Variants in RALGPS2 observed in about 807,000 individuals in gnomAD.
RALGPS2 encodes ras-specific guanine nucleotide-releasing factor RalGPS2.
RALGPS2 carries 43 observed loss-of-function variants against 86.8 expected under a neutral mutation model. That is an observed-to-expected ratio of 0.50 (90% CI 0.39 to 0.64). The LOEUF is 0.64. Among genes scored for constraint, RALGPS2 ranks in the 30% least tolerant of loss-of-function variants. The pLI is 0.00. For synonymous variants in RALGPS2, 243 were observed against 231.3 expected, an observed-to-expected ratio of 1.05 and a Z score of -0.46; for missense variants, 536 against 694.6, an observed-to-expected ratio of 0.77 and a Z score of 2.57.
At chr1:178,746,985 T>A in intron 1 of RALGPS2, 1 of 957,408 alleles carries the variant, frequency 1.0e-6, no homozygotes, top group Non-Finnish European at 1.7e-6. Flanking sequence ...CTTTCCATCG[T>A]TTCTGTATAC....
At chr1:178,838,371 T>G (rs1207685559) in intron 8 of RALGPS2, among the ~76,000 whole-genome samples, 1 of 152,160 alleles carries the variant, frequency 6.6e-6, no homozygotes, top group East Asian at 1.9e-4. Flanking sequence ...TTCAGCAATA[T>G]TCACTGTTCT....
chr1:178,888,032 T>A (rs1019174560), intron 13 of RALGPS2, among the ~76,000 whole-genome samples: 3 of 152,200 alleles, frequency 2.0e-5, no homozygotes, highest in African/African-American at 7.2e-5. Context: ...TAGCTTTTAC[T>A]TTTCATGGAT....
In RALGPS2 at chr1:178,832,703, T is replaced by A. The variant is rs74129709; in HGVS notation, c.481-721T>A. Among the ~76,000 whole-genome samples, 598 of 151,696 alleles carry A rather than the reference T, an allele frequency of 3.9e-3. 3 individuals are homozygous for A. Among genetic ancestry groups the A allele is most frequent in the African/African-American group, 0.013 (546 of 41,414 alleles). On this transcript the variant is annotated intron_variant, in intron 7 of 19. Coordinates refer to ENST00000367635, the MANE Select transcript of RALGPS2 (RefSeq NM_152663.5). ...CTTCATGTCTAAATAAAAAAAAAAATTTTCCAGTCTTTGGAATGATTTGAA... is the reference window on the plus strand; with the variant it reads ...CTTCATGTCTAAATAAAAAAAAAAAATTTCCAGTCTTTGGAATGATTTGAA...
intron 8 of RALGPS2, chr1:178,853,486 A>T: frequency 1.0e-6 from 1 of 959,020 alleles, no homozygotes; most frequent in Non-Finnish European, 1.5e-6. Context: ...AAACATATGG[A>T]TAGTTATTTT....
intron 1 of RALGPS2, among the ~76,000 whole-genome samples, chr1:178,739,804 G>A (rs891190611): frequency 6.6e-6 from 1 of 152,180 alleles, no homozygotes; most frequent in Non-Finnish European, 1.5e-5. Flanking sequence ...AAGGGAACAG[G>A]CAGTACTAAT....
Position 178,902,101 on chromosome 1 carries a change from C to G in RALGPS2, c.1525-5C>G, listed in dbSNP as rs191990329. ...GTTTCCGCTAATTATCTTTTTTTCT[C>G]TCAGTTCAAATCAACATCCAATAAG... On this transcript the variant is annotated splice_region_variant and splice_polypyrimidine_tract_variant and intron_variant, in intron 17 of 19. Transcript: ENST00000367635. 992 of 1,604,662 alleles carry G rather than the reference C, an allele frequency of 6.2e-4. 7 individuals carry two copies. Among genetic ancestry groups the G allele is most frequent in the Non-Finnish European group, 2.9e-4 (340 of 1,172,750 alleles).
chr1:178,788,190 T>G (rs1223858914), intron 4 of RALGPS2, among the ~76,000 whole-genome samples: 1 of 152,240 alleles, frequency 6.6e-6, no homozygotes, highest in Non-Finnish European at 1.5e-5. Context: ...GGTAAGCTTT[T>G]TTTGTCTTTC....
chr1:178,728,573 CT>C (rs537570255), intron 1 of RALGPS2, among the ~76,000 whole-genome samples: 7 of 151,910 alleles, frequency 4.6e-5, no homozygotes, highest in East Asian at 3.9e-4. Flanking sequence ...AATATGAATA[CT>C]TTTTTTTAAG....
At position 178,906,858 on chromosome 1, in the gene RALGPS2, C is replaced by T. The variant is rs1660406812; in HGVS notation, c.1713C>T (p.Asn571=). 3 of 1,612,786 alleles carry T rather than the reference C, an allele frequency of 1.9e-6. No homozygotes were observed. Among genetic ancestry groups the T allele is most frequent in the East Asian group, 2.2e-5 (1 of 44,754 alleles). Residue 571 remains asparagine, a synonymous_variant, in exon 19 of 20, where the codon AAC becomes AAT. Transcript: ENST00000367635. ...ATTTGAGTGCAGCCTGCCAAAGTAACAAACAACAGGTAAGCATTTCTCCTA... is the reference window on the plus strand; with the variant it reads ...ATTTGAGTGCAGCCTGCCAAAGTAATAAACAACAGGTAAGCATTTCTCCTA... ...FKHLSAACQS[N]KQQVPTNLMT...
chr1:178,728,392 C>T (rs1009503109), intron 1 of RALGPS2, among the ~76,000 whole-genome samples: 1 of 123,890 alleles, frequency 8.1e-6, no homozygotes, highest in African/African-American at 3.0e-5. Context: ...CCATTTTCTC[C>T]GAAAGTATGC....
intron 13 of RALGPS2, 34 bp from the exon 14 acceptor site, chr1:178,889,608 G>A (rs749909906): frequency 1.4e-6 from 2 of 1,433,454 alleles, no homozygotes; most frequent in Admixed American, 3.5e-5. Context: ...AGGTAATTCT[G>A]ATGTTTAAAA....
intron 7 of RALGPS2, among the ~76,000 whole-genome samples, chr1:178,822,992 A>T (rs940953274): frequency 2.6e-5 from 4 of 152,076 alleles, no homozygotes; most frequent in Non-Finnish European, 4.4e-5. Flanking sequence ...CTAATTTTTT[A>T]AAAAGTTTTT....
At position 178,876,751 on chromosome 1, in the gene RALGPS2, A is replaced by C. The variant is rs149517265; in HGVS notation, c.608-747A>C. 1.4e-3 allele frequency among the ~76,000 whole-genome samples: 213 copies of C among 152,294 alleles called. 2 individuals are homozygous for C. The East Asian group carries it at 0.014, about 10-fold the overall frequency. On this transcript the variant is annotated intron_variant, in intron 8 of 19. Transcript: ENST00000367635. ...CACATGTGCATTGTGAACTCTCCAG[A>C]AATAAACTTAAATAAGTGACCTTTC...
intron 1 of RALGPS2, among the ~76,000 whole-genome samples, chr1:178,776,164 G>A (rs1482617908): frequency 6.6e-6 from 1 of 152,094 alleles, no homozygotes. Context: ...AGTAGATCCT[G>A]GAACAAATCC....
In RALGPS2 at chr1:178,919,878, C is replaced by G. The variant is rs1015853303; in HGVS notation, c.*3519C>G. 1.3e-5 allele frequency: 2 copies of G among 152,006 alleles called. No individual in the cohort carries two copies. The highest frequency in any genetic ancestry group is 1.3e-4 in the Admixed American group (2 of 15,258). 9.4% of individuals were successfully genotyped at this position (152,006 alleles called of 1,614,324 possible). The stretch of plus-strand genomic sequence containing the variant: ...GATAATCTTTAATAAAGCAAATCCT[C>G]TGCTTCAAAGGTTTTTGAAATAATT... On this transcript the variant is annotated 3_prime_UTR_variant, in exon 20 of 20. Coordinates refer to ENST00000367635, the MANE Select transcript of RALGPS2 (RefSeq NM_152663.5).
intron 1 of RALGPS2, among the ~76,000 whole-genome samples, chr1:178,756,877 G>A (rs1651981481): frequency 6.6e-6 from 1 of 152,238 alleles, no homozygotes; most frequent in Non-Finnish European, 1.5e-5. Context: ...AATGAGTTTA[G>A]GGAGGAGTCC....
chr1:178,909,673 C>T (rs568020483), intron 19 of RALGPS2, among the ~76,000 whole-genome samples: 97 of 100,770 alleles, frequency 9.6e-4, no homozygotes, highest in Non-Finnish European at 1.5e-3. Context: ...TTTTTGGAGA[C>T]GGAGTCTTGC....
intron 14 of RALGPS2, among the ~76,000 whole-genome samples, chr1:178,891,782 A>G (rs999038693): frequency 2.0e-5 from 3 of 152,114 alleles, no homozygotes; most frequent in African/African-American, 4.8e-5. Context: ...TGAGTTTACA[A>G]GCCACATTGC....
intron 8 of RALGPS2, among the ~76,000 whole-genome samples, chr1:178,872,919 G>A (rs943457447): frequency 1.3e-5 from 2 of 152,136 alleles, no homozygotes; most frequent in African/African-American, 2.4e-5. Context: ...CTAAAGCTAT[G>A]GAACTAAGAT....
Sources: gnomAD v4.1 joint callset for allele counts (sites outside exome capture counted in the v4.1 genomes callset) on GRCh38, gnomAD v4.1.1 for gene constraint, MANE v1.5 for transcripts, NCBI Gene and HGNC (gene_info 2026-07-23, HGNC 2026-07-21) for gene names.